The following PTCH1 variants were observed in gnomAD, a reference collection of about 807,000 sequenced individuals.
PTCH1 encodes the protein patched 1, also known as protein patched homolog 1.
Under a neutral mutation model 144.6 loss-of-function variants are expected in PTCH1, and 14 were observed. That is an observed-to-expected ratio of 0.10 (90% CI 0.06 to 0.15). The LOEUF (loss-of-function observed/expected upper bound fraction) is 0.15. PTCH1 is among the 10% of genes least tolerant of loss of function. The pLI is 1.00. For synonymous variants in PTCH1, 833 were observed against 793.6 expected, an observed-to-expected ratio of 1.05 and a Z score of -0.83; for missense variants, 1,623 against 1,948.3, an observed-to-expected ratio of 0.83 and a Z score of 3.14.
intron 15 of PTCH1, 118 bp downstream of exon 15, chr9:95,466,998 C>T: frequency 8.7e-7 from 1 of 1,151,122 alleles, no homozygotes; most frequent in Non-Finnish European, 1.2e-6. Context: ...TCTTAAAAGT[C>T]CATGAAACAC....
intron 1 of PTCH1, among the ~76,000 whole-genome samples, chr9:95,514,814 CAA>C (rs1282526462): frequency 1.1e-4 from 16 of 152,158 alleles, no homozygotes; most frequent in Admixed American, 9.8e-4. Context: ...CAAATAGCTT[CAA>C]AGATTATGAC....
chr9:95,470,661 G>A (rs1025300223), intron 12 of PTCH1, among the ~76,000 whole-genome samples: 5 of 152,194 alleles, frequency 3.3e-5, no homozygotes, highest in African/African-American at 4.8e-5. Flanking sequence ...TGTTAATAGG[G>A]GAAGCCAACA....
At position 95,476,109 on chromosome 9, in the gene PTCH1, C is replaced by A; in HGVS notation, c.1653G>T (p.Thr551=). 6.2e-7 allele frequency: 1 copy of A among 1,613,786 alleles called. No individual in the cohort carries two copies. Among genetic ancestry groups the A allele is most frequent in the South Asian group, 1.1e-5 (1 of 90,988 alleles). The change falls in exon 12 of 24, where the codon ACG becomes ACT. Residue 551 remains threonine, a synonymous_variant. Coordinates refer to ENST00000331920, the MANE Select transcript of PTCH1 (RefSeq NM_000264.5). This position sits in a 1 kb window ranked among gnomAD's most constrained non-coding sequence, Gnocchi z 4.6. ...LKRTGASVAL[T]SISNVTAFFM... is the part of the protein sequence containing the mutation. ...AGAAGGCTGTGACATTGCTGATGGA[C>A]GTGAGGGCCACGCTGGCTCCTGTGC... is the stretch of plus-strand genomic sequence containing the variant.
upstream of PTCH1, among the ~76,000 whole-genome samples, chr9:95,511,955 TCTC>T (rs1203441206): frequency 3.9e-5 from 6 of 152,342 alleles, no homozygotes; most frequent in African/African-American, 1.4e-4. Flanking sequence ...TTTTCAAACT[TCTC>T]CACCACGTTT....
intron 9 of PTCH1, among the ~76,000 whole-genome samples, 163 bp from the exon 10 acceptor site, chr9:95,477,865 G>C (rs1207244588): frequency 2.6e-5 from 4 of 152,228 alleles, no homozygotes; most frequent in Non-Finnish European, 4.4e-5. Flanking sequence ...AGGAGTCAAA[G>C]GTAGGCAAAC....
At chr9:95,470,362 A>C (rs1242000629) in intron 12 of PTCH1, among the ~76,000 whole-genome samples, 1 of 152,210 alleles carries the variant, frequency 6.6e-6, no homozygotes, top group Non-Finnish European at 1.5e-5. Flanking sequence ...GATCGAGTAT[A>C]TCAAAATGTC....
intron 2 of PTCH1, among the ~76,000 whole-genome samples, chr9:95,501,334 A>G (rs141793264): frequency 7.9e-5 from 12 of 152,124 alleles, no homozygotes; most frequent in African/African-American, 2.4e-4. Context: ...CCCCAACAAC[A>G]GAGGATGATC....
intron 2 of PTCH1, among the ~76,000 whole-genome samples, chr9:95,498,073 A>G (rs867261004): frequency 1.3e-5 from 2 of 151,970 alleles, no homozygotes; most frequent in Non-Finnish European, 2.9e-5. Context: ...TTTAAGGGGG[A>G]AAAAAAATCA....
At chr9:95,488,857 A>C (rs1564066858) in intron 2 of PTCH1, among the ~76,000 whole-genome samples, 1 of 152,244 alleles carries the variant, frequency 6.6e-6, no homozygotes. Context: ...GGGAAACAAC[A>C]TTTAGGTGAC....
rs1308366091 is a variant in PTCH1, at chr9:95,508,635, G to C, written c.-274C>G. 2 of 989,888 alleles carry C rather than the reference G, an allele frequency of 2.0e-6. No homozygotes were observed. The highest frequency in any genetic ancestry group is 2.2e-4 in the East Asian group (2 of 9,302). 61.3% of individuals were successfully genotyped at this position (989,888 alleles called of 1,614,324 possible). A position where few individuals can be genotyped will look rare whatever the true frequency, so the allele number is the denominator to read the frequency against. On this transcript the variant is annotated 5_prime_UTR_variant, in exon 1 of 24. Transcript: ENST00000331920. The stretch of plus-strand genomic sequence containing the variant: ...ATTGCGCGGGGGTCCCGAGGTCTCT[G>C]CGGCCGCCGCTGCCCACATCCAGTT...
chr9:95,504,042 A>T lies in PTCH1; in HGVS notation c.394+2365T>A, dbSNP rs1299045802. Among the ~76,000 whole-genome samples the T allele has an allele frequency of 1.1e-4, 6 of 54,810 alleles. 2 individuals carry two copies. Among genetic ancestry groups the T allele is most frequent in the African/African-American group, 8.0e-4 (5 of 6,238 alleles). 36.0% of individuals were successfully genotyped at this position (54,810 alleles called of 152,430 possible). A position where few individuals can be genotyped will look rare whatever the true frequency, so the allele number is the denominator to read the frequency against. ...CGTCTCAAAAAAAAAAAAAAAAAAA[A>T]AAAAAAAAAAAAAAAAAAAAAAGAT... On this transcript the variant is annotated intron_variant, in intron 2 of 23. Transcript: ENST00000331920.
upstream of PTCH1, among the ~76,000 whole-genome samples, chr9:95,512,937 A>G (rs1479809354): frequency 6.6e-6 from 1 of 152,236 alleles, no homozygotes; most frequent in Non-Finnish European, 1.5e-5. Flanking sequence ...ATCTCAATGC[A>G]TAAATTGTCA....
At chr9:95,467,062 T>A in intron 15 of PTCH1, 54 bp downstream of exon 15, 1 of 1,567,024 alleles carries the variant, frequency 6.4e-7, no homozygotes, top group Non-Finnish European at 8.8e-7. Flanking sequence ...AGGAACCTGT[T>A]GAAGCTGAAC....
Position 95,446,947 on chromosome 9 carries a change from A to G in PTCH1, c.4309T>C (p.Cys1437Arg), listed in dbSNP as rs1309129743. ...VEVIELQDVE[C>R]EERPRGSSSN ...CTGCTTCCCCGGGGCCTCTCCTCGC[A>G]TTCCACGTCCTGCAGCTCAATGACT... Residue 1437 changes from cysteine (C) to arginine (R), a missense_variant, in exon 23 of 24, where the codon TGC becomes CGC. Physicochemically the swap from Cys to Arg is radical, Grantham distance 180 (BLOSUM62 -3). This residue lies in a region of PTCH1 where 291 missense variants were observed against 287.4 expected (regional missense o/e 1.01). Transcript: ENST00000331920. 6.2e-7 allele frequency: 1 copy of G among 1,613,992 alleles called. No homozygotes were observed. The highest frequency in any genetic ancestry group is 1.3e-5 in the African/African-American group (1 of 74,900).
At chr9:95,455,842 C>A (rs1356616513) in intron 19 of PTCH1, among the ~76,000 whole-genome samples, 1 of 152,204 alleles carries the variant, frequency 6.6e-6, no homozygotes, top group African/African-American at 2.4e-5. Context: ...GTGATGCCAT[C>A]CCCAAGCCTG....
chr9:95,467,770 T>A lies in PTCH1; in HGVS notation c.2251-345A>T, dbSNP rs72498585. ...AGGTGTGCACCACCACGCCTGGCTA[T>A]TTTTTTTTGTATTTTTAGTAGAGAC... On this transcript the variant is annotated intron_variant, in intron 14 of 23. Transcript: ENST00000331920. Among the ~76,000 whole-genome samples the A allele has an allele frequency of 1.2e-4, 18 of 150,312 alleles. No homozygotes were observed. In the East Asian group the frequency reaches 3.3e-3, roughly 28 times the overall value.
At chr9:95,482,340 G>T in intron 3 of PTCH1, 137 bp from the exon 4 acceptor site, 1 of 809,636 alleles carries the variant, frequency 1.2e-6, no homozygotes, top group Non-Finnish European at 2.0e-6. Flanking sequence ...CAGAGCTTTT[G>T]CCAAGTAGAG....
upstream of PTCH1, among the ~76,000 whole-genome samples, chr9:95,512,098 C>T (rs898203608): frequency 6.6e-6 from 1 of 152,230 alleles, no homozygotes; most frequent in African/African-American, 2.4e-5. Flanking sequence ...TCACTCTCCG[C>T]ACGCGGCTGC....
rs375470802 is a variant in PTCH1 at position 95,492,898 on chromosome 9, G to A, written c.395-7024C>T. 3.5e-4 allele frequency among the ~76,000 whole-genome samples: 53 copies of A among 152,110 alleles called. 1 individual carries two copies. The highest frequency in any genetic ancestry group is 1.3e-3 in the African/African-American group (52 of 41,414). On this transcript the variant is annotated intron_variant, in intron 2 of 23. Coordinates refer to ENST00000331920, the MANE Select transcript of PTCH1 (RefSeq NM_000264.5). ...CTGGTCCCCAGAGAGTCCTGTCTTA[G>A]AGGGGGCAGATGAAGGCACACAGAG...
Sources: gnomAD v4.1 joint callset for allele counts (sites outside exome capture counted in the v4.1 genomes callset) on GRCh38, gnomAD v4.1.1 for gene constraint, gnomAD v4.1.1 regional missense constraint, Gnocchi (gnomAD v3.1) non-coding constraint, MANE v1.5 for transcripts, NCBI Gene and HGNC (gene_info 2026-07-23, HGNC 2026-07-21) for gene names.